Variants in EYS observed in about 807,000 individuals in gnomAD.
The protein encoded by EYS is EGF-like photoreceptor maintenance factor.
EYS carries 250 observed loss-of-function variants against 282.1 expected under a neutral mutation model. The ratio of observed to expected loss-of-function variants is 0.89; its 90% CI spans 0.80 to 0.98. EYS has a LOEUF of 0.98. EYS is among the 50% of genes least tolerant of loss of function. EYS has a pLI of 0.00. For missense variants in EYS, 4,016 were observed against 3,709.0 expected (o/e 1.08, Z -2.15); for synonymous variants, 1,355 against 1,282.9 (o/e 1.06, Z -1.20).
At chr6:63,747,104 C>A (rs1769229190) in intron 41 of EYS, among the ~76,000 whole-genome samples, 1 of 152,166 alleles carries the variant, frequency 6.6e-6, no homozygotes, top group Non-Finnish European at 1.5e-5. Flanking sequence ...ACTGCTTTAG[C>A]TGTGTCCTAA....
At chr6:64,802,490 G>T (rs1764277299) in intron 22 of EYS, among the ~76,000 whole-genome samples, 2 of 152,002 alleles carry the variant, frequency 1.3e-5, no homozygotes, top group Admixed American at 6.6e-5. Context: ...AATAAATACT[G>T]TAAGATGGCT....
At chr6:65,468,241 A>G (rs779001548) in intron 5 of EYS, among the ~76,000 whole-genome samples, 4 of 152,194 alleles carry the variant, frequency 2.6e-5, no homozygotes, top group Admixed American at 1.3e-4. Context: ...AGCTACAAGA[A>G]GAGACAGTGA....
chr6:64,703,431 T>A (rs9445166), intron 22 of EYS, among the ~76,000 whole-genome samples: 878 of 47,078 alleles, frequency 0.019, 21 homozygotes, highest in African/African-American at 0.068. Flanking sequence ...ATATATATAT[T>A]TTTTTTTTTT....
At chr6:63,820,734 C>A (rs1173718796) in intron 36 of EYS, among the ~76,000 whole-genome samples, 3 of 152,116 alleles carry the variant, frequency 2.0e-5, no homozygotes, top group African/African-American at 7.2e-5. Context: ...ATTTTGTCAT[C>A]AATTGTACTC....
intron 40 of EYS, among the ~76,000 whole-genome samples, chr6:63,773,249 G>T (rs1769981480): frequency 6.6e-6 from 1 of 152,264 alleles, no homozygotes; most frequent in South Asian, 2.1e-4. Flanking sequence ...TCATAGGTGA[G>T]AAAAATTATC....
At chr6:65,199,622 T>G (rs1765852071) in intron 12 of EYS, among the ~76,000 whole-genome samples, 1 of 152,112 alleles carries the variant, frequency 6.6e-6, no homozygotes, top group African/African-American at 2.4e-5. Context: ...GTACATGAGA[T>G]GAAAGATGTA....
intron 2 of EYS, among the ~76,000 whole-genome samples, chr6:65,623,021 G>A (rs558700360): frequency 6.6e-6 from 1 of 152,216 alleles, no homozygotes; most frequent in African/African-American, 2.4e-5. Flanking sequence ...GACTCCCAAA[G>A]TACTGAGATT....
intron 33 of EYS, among the ~76,000 whole-genome samples, chr6:64,003,316 T>TG (rs1234876896): frequency 2.0e-5 from 3 of 152,146 alleles, no homozygotes; most frequent in Non-Finnish European, 4.4e-5. Flanking sequence ...AGTAGGGGTC[T>TG]GGGGGGTTGG....
At chr6:64,560,189 A>G (rs1251869714) in intron 26 of EYS, among the ~76,000 whole-genome samples, 1 of 151,894 alleles carries the variant, frequency 6.6e-6, no homozygotes. Flanking sequence ...TATATGTTAA[A>G]TTATATTTTC....
intron 26 of EYS, among the ~76,000 whole-genome samples, chr6:64,589,171 C>A (rs1210546424): frequency 6.6e-6 from 1 of 151,776 alleles, no homozygotes; most frequent in Non-Finnish European, 1.5e-5. Context: ...GACAATACCA[C>A]ATTTAAATTT....
intron 2 of EYS, among the ~76,000 whole-genome samples, chr6:65,579,532 G>A (rs1764797222): frequency 6.6e-6 from 1 of 152,072 alleles, no homozygotes; most frequent in African/African-American, 2.4e-5. Context: ...CTGAAACTTT[G>A]AGATCAGGGT....
chr6:64,696,243 G>A (rs1343598192), intron 22 of EYS, among the ~76,000 whole-genome samples: 1 of 152,076 alleles, frequency 6.6e-6, no homozygotes, highest in African/African-American at 2.4e-5. Context: ...TTCAACAGTA[G>A]AATAGACCGA....
At chr6:64,684,489 C>A (rs77546114) in intron 22 of EYS, among the ~76,000 whole-genome samples, 1 of 151,770 alleles carries the variant, frequency 6.6e-6, no homozygotes, top group Admixed American at 6.6e-5. Flanking sequence ...ATAAAGAGCA[C>A]CAGATATGGC....
At chr6:64,085,340 G>GCGCACACACA (rs112388321) in intron 31 of EYS, among the ~76,000 whole-genome samples, 2,024 of 139,830 alleles carry the variant, frequency 0.014, 24 homozygotes, top group African/African-American at 0.035. Flanking sequence ...ACGTGCGCGC[G>GCGCACACACA]CACACACACA....
intron 33 of EYS, among the ~76,000 whole-genome samples, chr6:64,032,797 T>TATAC (rs1769917164): frequency 6.6e-6 from 1 of 152,242 alleles, no homozygotes; most frequent in Admixed American, 6.5e-5. Flanking sequence ...GGCATGAGGC[T>TATAC]ATACAGAACT....
At chr6:65,055,024 C>G (rs1583439684) in intron 13 of EYS, among the ~76,000 whole-genome samples, 1 of 152,024 alleles carries the variant, frequency 6.6e-6, no homozygotes, top group Admixed American at 6.6e-5. Context: ...CTTTGTCACT[C>G]AGGCTGGGCT....
intron 13 of EYS, among the ~76,000 whole-genome samples, chr6:65,008,508 A>T (rs1035602752): frequency 1.3e-5 from 2 of 152,170 alleles, no homozygotes; most frequent in Non-Finnish European, 2.9e-5. Flanking sequence ...AGGCAAGCGG[A>T]CTTCGGAGGC....
At chr6:65,502,756 C>T (rs919097045) in intron 2 of EYS, among the ~76,000 whole-genome samples, 1 of 151,244 alleles carries the variant, frequency 6.6e-6, no homozygotes, top group Non-Finnish European at 1.5e-5. Context: ...TGTAGAAAAC[C>T]CTGCAGTTAT....
chr6:64,876,506 G>C (rs1583249080), intron 19 of EYS, among the ~76,000 whole-genome samples: 1 of 152,032 alleles, frequency 6.6e-6, no homozygotes, highest in East Asian at 1.9e-4. Context: ...TAATGTCCTA[G>C]GCACTCTTGT....
Sources: allele counts gnomAD v4.1 joint callset (sites outside exome capture counted in the v4.1 genomes callset), GRCh38; gene constraint gnomAD v4.1.1; transcripts MANE v1.5; gene names NCBI Gene and HGNC (gene_info 2026-07-23, HGNC 2026-07-21).